PCDH9: variants seen among roughly 807,000 people sequenced by gnomAD.
The protein encoded by PCDH9 is protocadherin-9.
Under a neutral mutation model 70.6 loss-of-function variants are expected in PCDH9, and 24 were observed. The ratio of observed to expected loss-of-function variants is 0.34; its 90% confidence interval spans 0.25 to 0.48. The LOEUF is 0.48. Ranked by LOEUF, PCDH9 falls within the 20% of genes least tolerant of loss-of-function variation. The pLI, the probability that PCDH9 is intolerant of heterozygous loss-of-function variation, is 0.99. For missense variants in PCDH9, 1,281 were observed against 1,503.6 expected (o/e 0.85, Z 2.45); for synonymous variants, 562 against 558.5 (o/e 1.01, Z -0.09).
At chr13:66,972,450 C>T (rs1239850091) in intron 2 of PCDH9, among the ~76,000 whole-genome samples, 1 of 151,874 alleles carries the variant, frequency 6.6e-6, no homozygotes. Context: ...TCTTAACTTG[C>T]ATTATAACCT....
intron 3 of PCDH9, among the ~76,000 whole-genome samples, chr13:66,755,372 G>A (rs2079524152): frequency 6.6e-6 from 1 of 152,126 alleles, no homozygotes; most frequent in Admixed American, 6.6e-5. Flanking sequence ...GGACATAGTT[G>A]GAGAGCGACT....
chr13:66,722,274 G>T (rs1461758969), intron 3 of PCDH9, among the ~76,000 whole-genome samples: 2 of 152,154 alleles, frequency 1.3e-5, no homozygotes, highest in African/African-American at 2.4e-5. Context: ...TAATTGTATG[G>T]TTAGAACATA....
At chr13:66,488,195 T>C (rs1181687732) in intron 4 of PCDH9, among the ~76,000 whole-genome samples, 1 of 152,174 alleles carries the variant, frequency 6.6e-6, no homozygotes, top group African/African-American at 2.4e-5. Flanking sequence ...GAGCCGACGC[T>C]GAAATCAAGC....
At chr13:67,014,682 T>C (rs1271158157) in intron 2 of PCDH9, among the ~76,000 whole-genome samples, 1 of 152,222 alleles carries the variant, frequency 6.6e-6, no homozygotes, top group East Asian at 1.9e-4. Context: ...CTGACTTCTT[T>C]ACAGTTTCTT....
At chr13:67,008,783 A>G (rs923888048) in intron 2 of PCDH9, among the ~76,000 whole-genome samples, 10 of 152,072 alleles carry the variant, frequency 6.6e-5, no homozygotes, top group African/African-American at 1.9e-4. Context: ...ATACCTATCA[A>G]TGTAAGAGAA....
chr13:66,745,037 A>G (rs2139211202), intron 3 of PCDH9, among the ~76,000 whole-genome samples: 1 of 152,302 alleles, frequency 6.6e-6, no homozygotes, highest in Non-Finnish European at 1.5e-5. Flanking sequence ...ACGTAGCTAT[A>G]TAAACTTAGC....
chr13:66,771,396 T>C (rs1342278522), intron 3 of PCDH9, among the ~76,000 whole-genome samples: 3 of 152,198 alleles, frequency 2.0e-5, no homozygotes, highest in East Asian at 1.9e-4. Context: ...TGTCATTTAG[T>C]CTTTATTTCC....
chr13:66,531,923 A>C (rs1960474017), intron 4 of PCDH9, among the ~76,000 whole-genome samples: 1 of 152,028 alleles, frequency 6.6e-6, no homozygotes, highest in African/African-American at 2.4e-5. Context: ...CTATAAAATG[A>C]GGAGAATATC....
intron 4 of PCDH9, among the ~76,000 whole-genome samples, chr13:66,547,367 T>C (rs777037611): frequency 5.9e-5 from 9 of 152,152 alleles, no homozygotes; most frequent in Non-Finnish European, 1.2e-4. Flanking sequence ...ATAGTTAACG[T>C]TTTTATCTTT....
intron 4 of PCDH9, among the ~76,000 whole-genome samples, chr13:66,444,339 G>GT (rs1427315123): frequency 6.6e-6 from 1 of 152,100 alleles, no homozygotes; most frequent in East Asian, 1.9e-4. Context: ...TTCATCAGTT[G>GT]TAAGACATCA....
intron 2 of PCDH9, among the ~76,000 whole-genome samples, chr13:67,053,205 GA>G (rs2085354967): frequency 2.0e-5 from 3 of 151,958 alleles, no homozygotes; most frequent in South Asian, 2.1e-4. Context: ...TTTTTAAATG[GA>G]AAAAAAGAGG....
intron 3 of PCDH9, among the ~76,000 whole-genome samples, chr13:66,778,887 C>T (rs2079944850): frequency 6.6e-6 from 1 of 152,138 alleles, no homozygotes; most frequent in Non-Finnish European, 1.5e-5. Context: ...TAACATAAAA[C>T]ATATTCCCTG....
At chr13:67,027,539 A>C (rs1227576392) in intron 2 of PCDH9, among the ~76,000 whole-genome samples, 3 of 151,844 alleles carry the variant, frequency 2.0e-5, no homozygotes, top group Non-Finnish European at 4.4e-5. Context: ...CACCAAAAGC[A>C]ATGGCAACAA....
chr13:66,759,558 T>A (rs1023146528), intron 3 of PCDH9, among the ~76,000 whole-genome samples: 4 of 152,130 alleles, frequency 2.6e-5, no homozygotes, highest in Non-Finnish European at 4.4e-5. Context: ...GAGATCTTTT[T>A]TCTTTCTTCC....
At chr13:66,305,104 G>A (rs1237754616) in intron 4 of PCDH9, 76 bp from the exon 5 acceptor site, 43 of 1,270,630 alleles carry the variant, frequency 3.4e-5, no homozygotes, top group Non-Finnish European at 4.4e-5. Flanking sequence ...TAGAGAAAAA[G>A]TATGTTATTA....
At chr13:66,679,148 T>C (rs2078283862) in intron 3 of PCDH9, among the ~76,000 whole-genome samples, 1 of 151,740 alleles carries the variant, frequency 6.6e-6, no homozygotes, top group African/African-American at 2.4e-5. Context: ...ATGCATTTCT[T>C]GTCAAACTCT....
chr13:66,824,661 T>G (rs992809533), intron 3 of PCDH9, among the ~76,000 whole-genome samples: 1 of 35,806 alleles, frequency 2.8e-5, no homozygotes, highest in African/African-American at 8.3e-5. Flanking sequence ...GATATATATA[T>G]ATATATATAT....
chr13:67,101,437 A>G (rs959975258), intron 2 of PCDH9, among the ~76,000 whole-genome samples: 4 of 152,216 alleles, frequency 2.6e-5, no homozygotes, highest in Non-Finnish European at 5.9e-5. Flanking sequence ...TAAAAATTCC[A>G]AAGTAGGTTG....
At chr13:66,589,733 C>T (rs190277415) in intron 4 of PCDH9, among the ~76,000 whole-genome samples, 35 of 152,018 alleles carry the variant, frequency 2.3e-4, no homozygotes, top group African/African-American at 7.7e-4. Flanking sequence ...GCTCTCTTAT[C>T]CTATTTTCAA....
Sources: gnomAD v4.1 joint callset for allele counts (sites outside exome capture counted in the v4.1 genomes callset) on GRCh38, gnomAD v4.1.1 for gene constraint, MANE v1.5 for transcripts, NCBI Gene and HGNC (gene_info 2026-07-23, HGNC 2026-07-21) for gene names.